EPB41L4A: variants seen among roughly 807,000 people sequenced by gnomAD.
The protein encoded by EPB41L4A is erythrocyte membrane protein band 4.1 like 4A, also known as band 4.1-like protein 4A.
A neutral mutation model predicts 108.6 loss-of-function variants in EPB41L4A; 100 were observed. The ratio of observed to expected loss-of-function variants is 0.92; its 90% CI spans 0.78 to 1.09. The LOEUF (loss-of-function observed/expected upper bound fraction) is 1.09, where lower values mean the gene tolerates loss of function less well. EPB41L4A is among the 50% of genes least tolerant of loss of function. EPB41L4A has a pLI of 0.00. For synonymous variants in EPB41L4A, 319 were observed against 289.0 expected (o/e 1.10, Z -1.05); for missense variants, 1,030 against 842.7 (o/e 1.22, Z -2.75).
intron 1 of EPB41L4A, among the ~76,000 whole-genome samples, chr5:112,378,298 C>T (rs920453023): frequency 3.3e-5 from 5 of 152,114 alleles, no homozygotes; most frequent in Admixed American, 6.6e-5. Flanking sequence ...ATATAGCTTG[C>T]AAAATTTTAG....
At chr5:112,323,302 T>C (rs1755925182) in intron 1 of EPB41L4A, among the ~76,000 whole-genome samples, 1 of 152,174 alleles carries the variant, frequency 6.6e-6, no homozygotes, top group Non-Finnish European at 1.5e-5. Flanking sequence ...CCCAGCAAGC[T>C]TAGGCAGCAA....
At chr5:112,348,952 G>A (rs1402662867) in intron 1 of EPB41L4A, among the ~76,000 whole-genome samples, 1 of 152,202 alleles carries the variant, frequency 6.6e-6, no homozygotes, top group South Asian at 2.1e-4. Context: ...GGGCTCTGGG[G>A]AGACAATGTA....
chr5:112,199,830 C>T (rs116302989), intron 15 of EPB41L4A, among the ~76,000 whole-genome samples: 2,275 of 152,248 alleles, frequency 0.015, 27 homozygotes, highest in Middle Eastern at 0.027. Flanking sequence ...CTACTGAAAC[C>T]ATCTACTTCT....
chr5:112,316,286 G>C (rs1755423673), intron 1 of EPB41L4A, among the ~76,000 whole-genome samples: 1 of 152,316 alleles, frequency 6.6e-6, no homozygotes, highest in Middle Eastern at 3.4e-3. Context: ...TCACAAAGGG[G>C]AAATGAACTC....
At chr5:112,266,777 C>A (rs1024906508) in intron 4 of EPB41L4A, among the ~76,000 whole-genome samples, 10 of 152,222 alleles carry the variant, frequency 6.6e-5, no homozygotes, top group African/African-American at 2.2e-4. Context: ...AAGACCCAAC[C>A]TATATTACAT....
chr5:112,355,811 C>T (rs75375859), intron 1 of EPB41L4A, among the ~76,000 whole-genome samples: 5,622 of 152,178 alleles, frequency 0.037, 135 homozygotes, highest in Middle Eastern at 0.078. Flanking sequence ...GCTTTTACTG[C>T]CTCAGAGAAT....
chr5:112,321,303 T>A (rs367885436), intron 1 of EPB41L4A, among the ~76,000 whole-genome samples: 1 of 152,194 alleles, frequency 6.6e-6, no homozygotes, highest in Non-Finnish European at 1.5e-5. Context: ...CTGACCTGCT[T>A]TTCTTCTCAC....
Position 112,157,121 on chromosome 5 carries a change from G to C in EPB41L4A, n.994+1280C>G, listed in dbSNP as rs376822884. Among the ~76,000 whole-genome samples the C allele has an allele frequency of 2.0e-3, 302 of 151,046 alleles. 7 individuals are homozygous for C. In the South Asian group the frequency reaches 0.048, roughly 24 times the overall value. ...AAATAGACCAGTAGGACAGAATAGA[G>C]AGTGCAAAGGTACATCCATGCAAAA... On this transcript the variant is annotated intron_variant and non_coding_transcript_variant, in intron 12 of 13. Transcript: ENST00000507810.
intron 1 of EPB41L4A, among the ~76,000 whole-genome samples, chr5:112,410,171 A>C (rs1762327283): frequency 6.6e-6 from 1 of 152,184 alleles, no homozygotes. Context: ...AAAAGGTGAG[A>C]GGGAATGTGG....
At chr5:112,229,313 T>G (rs1008288320) in intron 12 of EPB41L4A, among the ~76,000 whole-genome samples, 1 of 152,258 alleles carries the variant, frequency 6.6e-6, no homozygotes, top group Non-Finnish European at 1.5e-5. Context: ...CCACATGGCC[T>G]GCAAAGTCTA....
intron 1 of EPB41L4A, among the ~76,000 whole-genome samples, chr5:112,374,029 G>A (rs145419498): frequency 0.017 from 2,544 of 152,330 alleles, 31 homozygotes; most frequent in South Asian, 0.038. Context: ...CTGTCAGAAT[G>A]TAACCCTGCA....
chr5:112,221,241 C>T (rs1748027254), intron 12 of EPB41L4A, among the ~76,000 whole-genome samples: 1 of 152,190 alleles, frequency 6.6e-6, no homozygotes, highest in Admixed American at 6.5e-5. Flanking sequence ...TGGACTGCCT[C>T]TAGCCATAAG....
chr5:112,393,770 T>G (rs971496300), intron 1 of EPB41L4A, among the ~76,000 whole-genome samples: 8 of 152,150 alleles, frequency 5.3e-5, no homozygotes, highest in East Asian at 1.9e-4. Context: ...TACCAAAGCC[T>G]GGCAGAGACA....
chr5:112,209,262 T>C (rs954326029), intron 13 of EPB41L4A, among the ~76,000 whole-genome samples: 3 of 152,254 alleles, frequency 2.0e-5, no homozygotes, highest in African/African-American at 7.2e-5. Context: ...TATAATGCTG[T>C]TCCGTGAACA....
At chr5:112,177,570 T>G (rs1029780244) in intron 18 of EPB41L4A, among the ~76,000 whole-genome samples, 3 of 152,148 alleles carry the variant, frequency 2.0e-5, no homozygotes, top group Admixed American at 2.0e-4. Context: ...GTAACTAAGG[T>G]TTTTCCTCCT....
chr5:112,283,729 C>A (rs953011444), intron 2 of EPB41L4A, among the ~76,000 whole-genome samples: 2 of 152,104 alleles, frequency 1.3e-5, no homozygotes, highest in Non-Finnish European at 2.9e-5. Flanking sequence ...AGTATGGGAA[C>A]ACAAAGTTGA....
At chr5:112,370,302 G>A (rs1249673696) in intron 1 of EPB41L4A, among the ~76,000 whole-genome samples, 1 of 151,068 alleles carries the variant, frequency 6.6e-6, no homozygotes, top group Non-Finnish European at 1.5e-5. Flanking sequence ...CTCCCGAAGT[G>A]TTGGGATTAC....
chr5:112,409,760 A>G (rs1391098078), intron 1 of EPB41L4A, among the ~76,000 whole-genome samples: 4 of 151,962 alleles, frequency 2.6e-5, no homozygotes, highest in Non-Finnish European at 4.4e-5. Context: ...AGCTGCTACC[A>G]CTCACCGGGA....
chr5:112,293,566 A>G (rs1561545958), intron 2 of EPB41L4A, among the ~76,000 whole-genome samples: 3 of 152,228 alleles, frequency 2.0e-5, no homozygotes, highest in East Asian at 3.8e-4. Context: ...AAAAAGAACT[A>G]AAGTTCAAAA....
Sources: gnomAD v4.1 joint callset for allele counts (sites outside exome capture counted in the v4.1 genomes callset) on GRCh38, gnomAD v4.1.1 for gene constraint, MANE v1.5 for transcripts, NCBI Gene and HGNC (gene_info 2026-07-23, HGNC 2026-07-21) for gene names.